MMRN1: variants seen among roughly 807,000 people sequenced by gnomAD.
MMRN1 encodes multimerin 1, also known as multimerin-1.
MMRN1 carries 94 observed loss-of-function variants against 100.7 expected under a neutral mutation model. The ratio of observed to expected loss-of-function variants is 0.93; its 90% CI spans 0.79 to 1.11. MMRN1 has a LOEUF of 1.11. Among genes scored for constraint, MMRN1 ranks in the 50% least tolerant of loss-of-function variants. The pLI, the probability that MMRN1 is intolerant of heterozygous loss-of-function variation, is 0.00. For synonymous variants in MMRN1, 575 were observed against 505.0 expected (o/e 1.14, Z -1.86); for missense variants, 1,606 against 1,439.1 (o/e 1.12, Z -1.88).
At chr4:89,883,310 C>G (rs139494528) in intron 1 of MMRN1, among the ~76,000 whole-genome samples, 152 of 152,112 alleles carry the variant, frequency 1.0e-3, no homozygotes, top group African/African-American at 3.4e-3. Flanking sequence ...TTTATAATTG[C>G]TGCACAATTC....
intron 1 of MMRN1, among the ~76,000 whole-genome samples, chr4:89,904,419 ACCC>A (rs1334140190): frequency 1.3e-5 from 2 of 151,650 alleles, no homozygotes; most frequent in Non-Finnish European, 2.9e-5. Context: ...GAAGCTCTGT[ACCC>A]ATTAAATAAT....
upstream of MMRN1, chr4:89,894,729 T>C (rs778411373): frequency 0.028 from 12,027 of 422,974 alleles, 255 homozygotes; most frequent in Non-Finnish European, 0.038. Flanking sequence ...CTTAGCTTTG[T>C]CAGAGACCCT....
At position 89,911,153 on chromosome 4, in the gene MMRN1, G is replaced by T. The variant is rs113192062; in HGVS notation, c.744-791G>T. ...ATGTACCCATTTTACAGACCCATTTGATAAATAGCAACTAAATATTAAAGT... is the reference window on the plus strand; with the variant it reads ...ATGTACCCATTTTACAGACCCATTTTATAAATAGCAACTAAATATTAAAGT... On this transcript the variant is annotated intron_variant, in intron 2 of 7. Transcript: ENST00000264790. Among the ~76,000 whole-genome samples the T allele has an allele frequency of 5.2e-3, 792 of 151,488 alleles. 5 individuals are homozygous for T. The highest frequency in any genetic ancestry group is 0.018 in the African/African-American group (759 of 41,444).
Position 89,935,141 on chromosome 4 carries a change from T to C in MMRN1, c.1461T>C (p.His487=). 6.2e-7 allele frequency: 1 copy of C among 1,613,598 alleles called. No homozygotes were observed. Among genetic ancestry groups the C allele is most frequent in the Non-Finnish European group, 8.5e-7 (1 of 1,179,748 alleles). The part of the protein sequence containing the change: ...PIKELEVKQT[H]LEGALEQEHS... ...AAGAACTAGAAGTAAAGCAGACTCATTTAGAAGGTGCTCTAGAACAGGAAC... is the reference window on the plus strand; with the variant it reads ...AAGAACTAGAAGTAAAGCAGACTCACTTAGAAGGTGCTCTAGAACAGGAAC... The change falls in exon 6 of 8, where the codon CAT becomes CAC. Residue 487 remains histidine (H), a synonymous_variant. Transcript: ENST00000264790.
intron 1 of MMRN1, among the ~76,000 whole-genome samples, chr4:89,899,147 G>A (rs1433843552): frequency 6.6e-6 from 1 of 151,114 alleles, no homozygotes; most frequent in Non-Finnish European, 1.5e-5. Context: ...TTTATTACAG[G>A]TTCTTTTCTA....
chr4:89,947,238 T>C (rs946350649), intron 6 of MMRN1, among the ~76,000 whole-genome samples: 6 of 152,122 alleles, frequency 3.9e-5, no homozygotes, highest in Non-Finnish European at 7.4e-5. Flanking sequence ...GCCAAGATCA[T>C]GCTACTGCAC....
At chr4:89,899,003 AAAG>A (rs1318889944) in intron 1 of MMRN1, among the ~76,000 whole-genome samples, 1 of 152,196 alleles carries the variant, frequency 6.6e-6, no homozygotes, top group African/African-American at 2.4e-5. Context: ...ATGTGAATAT[AAAG>A]AAGAAAGCTT....
At chr4:89,944,464 T>TA (rs770939978) in intron 6 of MMRN1, among the ~76,000 whole-genome samples, 8 of 152,274 alleles carry the variant, frequency 5.3e-5, no homozygotes, top group South Asian at 2.1e-4. Context: ...TCCAAAAAAT[T>TA]AAAAAATATT....
At chr4:89,883,356 C>T (rs542351326) in intron 1 of MMRN1, among the ~76,000 whole-genome samples, 10 of 152,124 alleles carry the variant, frequency 6.6e-5, no homozygotes, top group South Asian at 2.1e-4. Flanking sequence ...CTACCTGAAA[C>T]GTATGAGTTC....
chr4:89,908,809 GT>G (rs1322054877), intron 1 of MMRN1, among the ~76,000 whole-genome samples: 22 of 151,186 alleles, frequency 1.5e-4, no homozygotes, highest in African/African-American at 5.3e-4. Flanking sequence ...TTTGCATTTT[GT>G]TTGGTTACAA....
chr4:89,919,068 T>C (rs557825013), intron 3 of MMRN1, among the ~76,000 whole-genome samples: 9 of 151,656 alleles, frequency 5.9e-5, no homozygotes, highest in African/African-American at 1.9e-4. Context: ...AAAAGCAGTA[T>C]CATAAAACTC....
intron 6 of MMRN1, among the ~76,000 whole-genome samples, chr4:89,946,685 A>T (rs1010594084): frequency 3.9e-5 from 6 of 152,138 alleles, no homozygotes; most frequent in African/African-American, 1.4e-4. Context: ...ATTAGGAATG[A>T]CAGGGTGCTT....
intron 3 of MMRN1, among the ~76,000 whole-genome samples, chr4:89,921,688 C>A (rs1441511493): frequency 6.6e-6 from 1 of 152,010 alleles, no homozygotes; most frequent in Non-Finnish European, 1.5e-5. Flanking sequence ...TAGAATACAG[C>A]AGAGGAAATG....
chr4:89,939,993 C>T lies in MMRN1; in HGVS notation c.3118+3195C>T, dbSNP rs150080085. Among the ~76,000 whole-genome samples, 391 of 152,272 alleles carry T rather than the reference C, an allele frequency of 2.6e-3. 4 individuals are homozygous for T. The highest frequency in any genetic ancestry group is 8.7e-3 in the African/African-American group (362 of 41,566). On this transcript the variant is annotated intron_variant, in intron 6 of 7. Coordinates refer to ENST00000264790, the MANE Select transcript of MMRN1 (RefSeq NM_007351.3). Reference sequence around the variant, plus strand: ...AAATTCATTATTCTCATCCCTGCCACTTCCTTTTGAGCCATTCCTACATTC... The same window carrying T: ...AAATTCATTATTCTCATCCCTGCCATTTCCTTTTGAGCCATTCCTACATTC...
intron 1 of MMRN1, among the ~76,000 whole-genome samples, chr4:89,883,285 A>G (rs1720861305): frequency 6.6e-6 from 1 of 152,092 alleles, no homozygotes; most frequent in South Asian, 2.1e-4. Flanking sequence ...ATCATGGATG[A>G]CATGAATTTT....
intron 6 of MMRN1, among the ~76,000 whole-genome samples, chr4:89,948,490 A>C (rs1723060000): frequency 6.6e-6 from 1 of 152,206 alleles, no homozygotes; most frequent in Non-Finnish European, 1.5e-5. Flanking sequence ...AATAGACATG[A>C]GATTTTAGAA....
intron 6 of MMRN1, among the ~76,000 whole-genome samples, chr4:89,938,653 T>A (rs944749531): frequency 1.1e-4 from 17 of 151,568 alleles, no homozygotes; most frequent in African/African-American, 3.9e-4. Context: ...TTATAAAAAT[T>A]GTATCTAGAT....
chr4:89,908,580 C>T (rs935212039), intron 1 of MMRN1, among the ~76,000 whole-genome samples: 7 of 151,406 alleles, frequency 4.6e-5, no homozygotes, highest in African/African-American at 1.7e-4. Context: ...TCTAACACTT[C>T]TTTTGCTGAA....
intron 1 of MMRN1, 61 bp downstream of exon 1, chr4:89,895,655 T>G: frequency 6.7e-7 from 1 of 1,487,174 alleles, no homozygotes; most frequent in Admixed American, 2.5e-5. Context: ...AGATTGCAAG[T>G]GAAATTTACC....
Sources: gnomAD v4.1 joint callset for allele counts (sites outside exome capture counted in the v4.1 genomes callset) on GRCh38, gnomAD v4.1.1 for gene constraint, MANE v1.5 for transcripts, NCBI Gene and HGNC (gene_info 2026-07-23, HGNC 2026-07-21) for gene names.